Variants in USH2A observed in about 807,000 individuals in gnomAD.
USH2A encodes usherin.
USH2A carries 443 observed loss-of-function variants against 538.9 expected under a neutral mutation model. The observed-to-expected ratio is 0.82, with a 90% CI of 0.76 to 0.89. The LOEUF (loss-of-function observed/expected upper bound fraction) is 0.89. Among genes scored for constraint, USH2A ranks in the 40% least tolerant of loss-of-function variants. The pLI is 0.00. For missense variants in USH2A, 6,633 were observed against 6,324.8 expected, an observed-to-expected ratio of 1.05 and a Z score of -1.65; for synonymous variants, 2,413 against 2,273.5, an observed-to-expected ratio of 1.06 and a Z score of -1.75.
intron 27 of USH2A, among the ~76,000 whole-genome samples, chr1:216,077,507 A>T (rs1195985511): frequency 6.6e-6 from 1 of 150,962 alleles, no homozygotes; most frequent in South Asian, 2.1e-4. Flanking sequence ...TTATTTTTTC[A>T]TCTGTAAATA....
chr1:215,721,490 G>T (rs1659658526), intron 61 of USH2A, among the ~76,000 whole-genome samples: 1 of 152,184 alleles, frequency 6.6e-6, no homozygotes, highest in Admixed American at 6.5e-5. Context: ...TTACTGATGG[G>T]TGAGCAAGGG....
intron 47 of USH2A, among the ~76,000 whole-genome samples, chr1:215,826,876 G>A (rs998413626): frequency 7.2e-5 from 11 of 152,144 alleles, no homozygotes; most frequent in African/African-American, 2.7e-4. Context: ...TATATGAGAA[G>A]ATGCTCCAAC....
At chr1:216,398,555 T>TACACACAC (rs71556650) in intron 3 of USH2A, among the ~76,000 whole-genome samples, 1 of 127,684 alleles carries the variant, frequency 7.8e-6, no homozygotes, top group East Asian at 2.4e-4. Context: ...AGCACACCCA[T>TACACACAC]ACACACACAC....
intron 21 of USH2A, among the ~76,000 whole-genome samples, chr1:216,164,213 A>G (rs939922419): frequency 2.6e-5 from 4 of 152,124 alleles, no homozygotes; most frequent in African/African-American, 9.7e-5. Flanking sequence ...GAACTCTTCC[A>G]TTTAAAGGTG....
chr1:215,854,788 G>T (rs977786021), intron 44 of USH2A, among the ~76,000 whole-genome samples: 1 of 152,276 alleles, frequency 6.6e-6, no homozygotes, highest in Non-Finnish European at 1.5e-5. Flanking sequence ...CTTTTGTTAT[G>T]CAGATGGGTT....
At chr1:216,229,885 G>A (rs1181169470) in intron 14 of USH2A, among the ~76,000 whole-genome samples, 1 of 152,064 alleles carries the variant, frequency 6.6e-6, no homozygotes, top group African/African-American at 2.4e-5. Flanking sequence ...GGGGTAAAAG[G>A]CTCAGCCACG....
At chr1:216,178,540 T>C (rs954329310) in intron 20 of USH2A, among the ~76,000 whole-genome samples, 16 of 152,170 alleles carry the variant, frequency 1.1e-4, no homozygotes, top group Admixed American at 2.0e-4. Context: ...AAAGATTTTT[T>C]AGTCCTGGGC....
At chr1:215,696,534 A>G (rs552198592) in intron 61 of USH2A, among the ~76,000 whole-genome samples, 1 of 152,146 alleles carries the variant, frequency 6.6e-6, no homozygotes, top group African/African-American at 2.4e-5. Context: ...ACCAATTGTC[A>G]GTCTAAACAA....
At chr1:215,673,277 CT>C (rs1657882252) in intron 63 of USH2A, among the ~76,000 whole-genome samples, 1 of 152,170 alleles carries the variant, frequency 6.6e-6, no homozygotes, top group Admixed American at 6.5e-5. Flanking sequence ...CTACACATCA[CT>C]AGATTACAAT....
intron 21 of USH2A, among the ~76,000 whole-genome samples, chr1:216,155,328 T>C (rs533014993): frequency 6.1e-4 from 93 of 152,288 alleles, no homozygotes; most frequent in African/African-American, 1.9e-3. Flanking sequence ...ATTTTTATAA[T>C]TGCTTACTGT....
chr1:216,420,400 C>T (rs2039656710), intron 2 of USH2A, among the ~76,000 whole-genome samples: 1 of 152,002 alleles, frequency 6.6e-6, no homozygotes, highest in Non-Finnish European at 1.5e-5. Context: ...ATTTATTCTG[C>T]TCCTGAATAA....
intron 3 of USH2A, among the ~76,000 whole-genome samples, chr1:216,408,292 ATCT>A (rs2039429354): frequency 6.6e-6 from 1 of 152,126 alleles, no homozygotes; most frequent in Admixed American, 6.6e-5. Flanking sequence ...ACTTGTGATA[ATCT>A]TCTTACACAC....
At chr1:215,819,220 T>G (rs1021096345) in intron 47 of USH2A, among the ~76,000 whole-genome samples, 3 of 151,838 alleles carry the variant, frequency 2.0e-5, no homozygotes, top group African/African-American at 7.2e-5. Context: ...GGATGCTTTT[T>G]TGCTATCGTG....
chr1:215,625,937 G>A (rs1007051509), intron 71 of USH2A, 67 bp from the exon 72 acceptor site: 34 of 1,443,890 alleles, frequency 2.4e-5, no homozygotes, highest in South Asian at 8.0e-5. Context: ...TCAATTTATA[G>A]TTATATCAAT....
chr1:216,073,396 G>C, intron 27 of USH2A, 96 bp from the exon 28 acceptor site: 1 of 1,338,674 alleles, frequency 7.5e-7, no homozygotes, highest in Non-Finnish European at 1.0e-6. Flanking sequence ...TGAGGAAGGG[G>C]GGTGGTTAGA....
At chr1:215,685,686 T>A (rs1440569350) in intron 61 of USH2A, among the ~76,000 whole-genome samples, 1 of 70,198 alleles carries the variant, frequency 1.4e-5, no homozygotes, top group African/African-American at 4.1e-5. Context: ...CAGAAATTAT[T>A]ATTATTATTT....
At chr1:215,693,155 T>A (rs1658679846) in intron 61 of USH2A, among the ~76,000 whole-genome samples, 1 of 148,156 alleles carries the variant, frequency 6.7e-6, no homozygotes, top group African/African-American at 2.5e-5. Flanking sequence ...CATATGTATT[T>A]TTTTTTGTGG....
At chr1:216,274,793 C>T (rs2036639924) in intron 11 of USH2A, among the ~76,000 whole-genome samples, 1 of 152,062 alleles carries the variant, frequency 6.6e-6, no homozygotes. Flanking sequence ...CTTTTCTTTT[C>T]CAGTCTACAA....
Position 215,733,074 on chromosome 1 carries a change from C to T in USH2A, c.11712-4690G>A, listed in dbSNP as rs1381147276. Among the ~76,000 whole-genome samples, 7 of 151,852 alleles carry T rather than the reference C, an allele frequency of 4.6e-5. No individual in the cohort carries two copies. In the East Asian group the frequency reaches 7.7e-4, roughly 17 times the overall value. ...TTAACTGGCTCACAGTCCTGCAGGGCGTACAGAAAGCATGATGCTGGCATC... is the reference window on the plus strand; with the variant it reads ...TTAACTGGCTCACAGTCCTGCAGGGTGTACAGAAAGCATGATGCTGGCATC... On this transcript the variant is annotated intron_variant, in intron 60 of 71. Coordinates refer to ENST00000307340, the MANE Select transcript of USH2A (RefSeq NM_206933.4).
Sources: allele counts gnomAD v4.1 joint callset (sites outside exome capture counted in the v4.1 genomes callset), GRCh38; gene constraint gnomAD v4.1.1; transcripts MANE v1.5; gene names NCBI Gene and HGNC (gene_info 2026-07-23, HGNC 2026-07-21).